TJP1: variants seen among roughly 807,000 people sequenced by gnomAD.
TJP1 encodes the protein tight junction protein 1, also known as tight junction protein ZO-1.
In TJP1, 43 loss-of-function variants were observed where a neutral mutation model predicts 194.2. That is an observed-to-expected ratio of 0.22 (90% CI 0.17 to 0.29). TJP1 has a LOEUF of 0.29. TJP1 is among the 10% of genes least tolerant of loss of function. The pLI is 1.00. For synonymous variants in TJP1, 801 were observed against 779.0 expected (o/e 1.03, Z -0.47); for missense variants, 1,971 against 2,185.7 (o/e 0.90, Z 1.96).
chr15:29,881,829 C>T (rs1016906516), intron 2 of TJP1, among the ~76,000 whole-genome samples: 1 of 151,972 alleles, frequency 6.6e-6, no homozygotes, highest in African/African-American at 2.4e-5. Context: ...TTCCCTAACA[C>T]TACCTATATA....
chr15:29,770,477 G>A (rs147280624), intron 4 of TJP1, among the ~76,000 whole-genome samples: 14 of 150,902 alleles, frequency 9.3e-5, no homozygotes, highest in Middle Eastern at 6.9e-3. Context: ...AGGCCGAGGC[G>A]GGGCGGATCA....
At chr15:29,710,589 C>A (rs549155964) in intron 24 of TJP1, among the ~76,000 whole-genome samples, 8 of 152,226 alleles carry the variant, frequency 5.3e-5, no homozygotes, top group African/African-American at 1.9e-4. Flanking sequence ...AACACTACTT[C>A]CAGAAGATTT....
chr15:29,753,060 T>C (rs1459021191), intron 8 of TJP1, among the ~76,000 whole-genome samples: 2 of 152,224 alleles, frequency 1.3e-5, no homozygotes, highest in African/African-American at 4.8e-5. Context: ...TGCTTCACTA[T>C]TACACTACCC....
chr15:29,953,219 G>GCAA (rs1439519695), intron 2 of TJP1, among the ~76,000 whole-genome samples: 2 of 140,306 alleles, frequency 1.4e-5, no homozygotes, highest in Admixed American at 7.7e-5. Context: ...TTGGCTCACT[G>GCAA]CAACCTCCAC....
At chr15:29,950,306 A>T (rs1169587050) in intron 2 of TJP1, among the ~76,000 whole-genome samples, 5 of 146,568 alleles carry the variant, frequency 3.4e-5, no homozygotes, top group Non-Finnish European at 7.5e-5. Context: ...TACCTCCACC[A>T]CCACCACCTC....
At chr15:29,797,922 C>T (rs1383658793) in intron 2 of TJP1, among the ~76,000 whole-genome samples, 1 of 152,194 alleles carries the variant, frequency 6.6e-6, no homozygotes, top group Non-Finnish European at 1.5e-5. Flanking sequence ...ATGAGCACAT[C>T]AAGAGATCAT....
chr15:29,835,310 T>C (rs538287592), intron 2 of TJP1, among the ~76,000 whole-genome samples: 3 of 152,204 alleles, frequency 2.0e-5, no homozygotes, highest in Admixed American at 6.5e-5. Flanking sequence ...GGAGTGCATA[T>C]TATATGAAAA....
At position 29,863,584 on chromosome 15, in the gene TJP1, A is replaced by G. The variant is rs555489009; in HGVS notation, c.307-62882T>C. ...ACTCCCTCTTTAGGCTCGCCCAGGC[A>G]GAGGCACCCATTTATGTTACCAGCC... On this transcript the variant is annotated intron_variant, in intron 2 of 28. Coordinates refer to the TJP1 transcript ENST00000356107. Among the ~76,000 whole-genome samples, 5 of 152,260 alleles carry G rather than the reference A, an allele frequency of 3.3e-5. No homozygotes were observed. The East Asian group carries it at 9.7e-4, about 29-fold the overall frequency.
At chr15:29,845,972 T>C (rs115980743) in intron 2 of TJP1, among the ~76,000 whole-genome samples, 71 of 152,206 alleles carry the variant, frequency 4.7e-4, no homozygotes, top group African/African-American at 1.7e-3. Flanking sequence ...CCATTCCCTC[T>C]CAGCTACACA....
intron 2 of TJP1, among the ~76,000 whole-genome samples, chr15:29,851,679 G>T (rs1337031247): frequency 1.3e-5 from 2 of 152,208 alleles, no homozygotes; most frequent in African/African-American, 4.8e-5. Flanking sequence ...GAAGAAATCA[G>T]TCTTCTGGAT....
At chr15:29,834,471 G>C (rs1312412873) in intron 2 of TJP1, among the ~76,000 whole-genome samples, 2 of 152,106 alleles carry the variant, frequency 1.3e-5, no homozygotes, top group African/African-American at 4.8e-5. Context: ...ACCTGCCTTG[G>C]CCTCCCAGAG....
At chr15:29,770,661 C>T (rs1264678611) in intron 4 of TJP1, among the ~76,000 whole-genome samples, 1 of 130,684 alleles carries the variant, frequency 7.7e-6, no homozygotes, top group East Asian at 2.4e-4. Flanking sequence ...GCCTGGGTGA[C>T]AGAGTGAGAC....
chr15:29,967,563 A>G (rs760598923), intron 1 of TJP1, among the ~76,000 whole-genome samples: 3 of 152,216 alleles, frequency 2.0e-5, no homozygotes, highest in Non-Finnish European at 4.4e-5. Flanking sequence ...AAGGTCACAC[A>G]GTAAGTGGCA....
chr15:29,805,018 A>G (rs2049026920), intron 1 of TJP1, among the ~76,000 whole-genome samples: 3 of 152,228 alleles, frequency 2.0e-5, no homozygotes, highest in Admixed American at 2.0e-4. Context: ...TCTAGCTCCA[A>G]AATTCTATCA....
chr15:29,762,686 C>T (rs1025351718), intron 5 of TJP1, among the ~76,000 whole-genome samples: 1 of 152,188 alleles, frequency 6.6e-6, no homozygotes, highest in African/African-American at 2.4e-5. Flanking sequence ...TCCCATATTA[C>T]TGAAAAGGAG....
chr15:29,701,781 CA>C, intron 27 of TJP1, 92 bp from the exon 28 acceptor site: 1 of 886,300 alleles, frequency 1.1e-6, no homozygotes, highest in East Asian at 2.6e-5. Context: ...TATATTTAGA[CA>C]TAATTTTCTT....
intron 2 of TJP1, among the ~76,000 whole-genome samples, chr15:29,844,796 T>C (rs1439067871): frequency 6.6e-6 from 1 of 152,036 alleles, no homozygotes; most frequent in Non-Finnish European, 1.5e-5. Flanking sequence ...AGGAGAAATA[T>C]TCAGGTTGGA....
intron 2 of TJP1, among the ~76,000 whole-genome samples, chr15:29,864,889 T>C (rs1700116612): frequency 6.6e-6 from 1 of 152,206 alleles, no homozygotes; most frequent in Non-Finnish European, 1.5e-5. Context: ...TTTTGCTTTA[T>C]AAAGACCTAT....
intron 8 of TJP1, among the ~76,000 whole-genome samples, chr15:29,747,807 T>C (rs966804430): frequency 1.2e-4 from 19 of 152,244 alleles, no homozygotes; most frequent in African/African-American, 4.6e-4. Context: ...TGTAGGGCTC[T>C]TGCTCCATAT....
Sources: gnomAD v4.1 joint callset for allele counts (sites outside exome capture counted in the v4.1 genomes callset) on GRCh38, gnomAD v4.1.1 for gene constraint, MANE v1.5 for transcripts, NCBI Gene and HGNC (gene_info 2026-07-23, HGNC 2026-07-21) for gene names.